The following PDE11A variants were observed in gnomAD, a reference collection of about 807,000 sequenced individuals.
PDE11A encodes phosphodiesterase 11A.
Under a neutral mutation model 100.5 loss-of-function variants are expected in PDE11A, and 100 were observed. That is an observed-to-expected ratio of 1.00 (90% CI 0.85 to 1.18). The LOEUF (loss-of-function observed/expected upper bound fraction) is 1.18. Ranked by LOEUF, PDE11A falls within the 50% of genes most tolerant of loss-of-function variation. PDE11A has a pLI of 0.00. For missense variants in PDE11A, 1,141 were observed against 1,152.6 expected (o/e 0.99, Z 0.15); for synonymous variants, 381 against 420.8 (o/e 0.91, Z 1.16).
At chr2:177,843,090 T>C (rs567119147) in intron 5 of PDE11A, among the ~76,000 whole-genome samples, 1 of 152,200 alleles carries the variant, frequency 6.6e-6, no homozygotes, top group South Asian at 2.1e-4. Context: ...CTGAAATTTA[T>C]TGCCATCTAC....
chr2:177,984,079 C>T (rs138349784), intron 2 of PDE11A, among the ~76,000 whole-genome samples: 100 of 152,212 alleles, frequency 6.6e-4, no homozygotes, highest in African/African-American at 2.2e-3. Flanking sequence ...AATACCAAAA[C>T]GATTATCTCT....
intron 9 of PDE11A, among the ~76,000 whole-genome samples, chr2:177,808,944 G>A (rs1255911599): frequency 6.6e-6 from 1 of 152,108 alleles, no homozygotes; most frequent in Non-Finnish European, 1.5e-5. Context: ...AAAAATGAAG[G>A]AAATTCTTAC....
upstream of PDE11A, among the ~76,000 whole-genome samples, chr2:178,077,354 A>T (rs2105876740): frequency 6.9e-6 from 1 of 145,112 alleles, no homozygotes; most frequent in East Asian, 2.0e-4. Context: ...ATTTCTAACT[A>T]CTGCAAAATA....
At position 178,015,685 on chromosome 2, in the gene PDE11A, G is replaced by C. The variant is rs529122975; in HGVS notation, c.913-1225C>G. Among the ~76,000 whole-genome samples the C allele has an allele frequency of 4.6e-5, 7 of 152,190 alleles. No individual in the cohort carries two copies. In the South Asian group the frequency reaches 1.0e-3, roughly 23 times the overall value. On this transcript the variant is annotated intron_variant, in intron 1 of 19. Transcript: ENST00000286063. ...CTTATTCTTAGGATATACATGCTAG[G>C]GTATTTGGGGAGTGAAATATCATAC...
At chr2:177,927,474 C>T (rs919610951) in intron 2 of PDE11A, among the ~76,000 whole-genome samples, 4 of 152,206 alleles carry the variant, frequency 2.6e-5, no homozygotes, top group Admixed American at 2.0e-4. Flanking sequence ...ACTCTCATTA[C>T]ACTCCAGGAT....
intron 2 of PDE11A, among the ~76,000 whole-genome samples, chr2:177,971,239 C>T (rs2085766962): frequency 1.3e-5 from 2 of 152,292 alleles, no homozygotes; most frequent in African/African-American, 4.8e-5. Context: ...CATAACAATA[C>T]AAAAATAGTT....
chr2:177,815,842 T>C (rs2083029511), intron 9 of PDE11A, among the ~76,000 whole-genome samples: 1 of 152,232 alleles, frequency 6.6e-6, no homozygotes. Flanking sequence ...TTCTATATAC[T>C]TTTATCTTGG....
At chr2:178,084,067 C>T (rs992644483) in intron 2 of PDE11A, among the ~76,000 whole-genome samples, 27 of 151,984 alleles carry the variant, frequency 1.8e-4, no homozygotes, top group African/African-American at 6.3e-4. Context: ...GAAAAGTGAG[C>T]CATTCTACAA....
upstream of PDE11A, among the ~76,000 whole-genome samples, chr2:178,076,548 T>C (rs78351359): frequency 0.017 from 2,556 of 152,250 alleles, 71 homozygotes; most frequent in African/African-American, 0.058. Context: ...CATAGTTCCA[T>C]CCCACCCTTA....
intron 19 of PDE11A, among the ~76,000 whole-genome samples, chr2:177,636,904 A>G (rs13009207): frequency 0.58 from 88,894 of 152,068 alleles, 30,437 homozygotes; most frequent in Non-Finnish European, 0.73. Context: ...TCAGGTCTTC[A>G]ATGAACTCAG....
At chr2:177,641,429 A>AAAAG (rs2080141089) in intron 19 of PDE11A, among the ~76,000 whole-genome samples, 1 of 151,052 alleles carries the variant, frequency 6.6e-6, no homozygotes, top group African/African-American at 2.4e-5. Context: ...ACTGAGTCAA[A>AAAAG]AAAAAAAAAA....
At chr2:178,016,313 G>A (rs988761242) in intron 1 of PDE11A, among the ~76,000 whole-genome samples, 9 of 151,810 alleles carry the variant, frequency 5.9e-5, no homozygotes, top group Non-Finnish European at 1.5e-5. Context: ...ATGAGGCCTG[G>A]CTCTGGTCTG....
At chr2:177,781,257 A>C (rs1199280339) in intron 9 of PDE11A, among the ~76,000 whole-genome samples, 1 of 152,238 alleles carries the variant, frequency 6.6e-6, no homozygotes, top group African/African-American at 2.4e-5. Flanking sequence ...TTTATCAATT[A>C]AGTTTACCGC....
intron 5 of PDE11A, among the ~76,000 whole-genome samples, chr2:177,858,043 A>G (rs1013641394): frequency 1.3e-5 from 2 of 152,168 alleles, no homozygotes; most frequent in African/African-American, 2.4e-5. Flanking sequence ...CTGGCTAGAC[A>G]TATGTAGAAA....
chr2:177,711,009 C>T (rs1007121296), intron 13 of PDE11A, among the ~76,000 whole-genome samples: 14 of 152,228 alleles, frequency 9.2e-5, no homozygotes, highest in Non-Finnish European at 1.6e-4. Context: ...TGCAGGCAGA[C>T]AGTGAAAGAA....
intron 13 of PDE11A, among the ~76,000 whole-genome samples, chr2:177,702,207 T>C (rs2081207108): frequency 6.6e-6 from 1 of 151,940 alleles, no homozygotes; most frequent in Non-Finnish European, 1.5e-5. Context: ...GTTCATTACT[T>C]GGGAGTCTGA....
chr2:177,700,695 G>A (rs80008198), intron 14 of PDE11A, among the ~76,000 whole-genome samples: 2,599 of 152,278 alleles, frequency 0.017, 65 homozygotes, highest in African/African-American at 0.059. Context: ...TTGTGCTAAT[G>A]AAGTGTAACT....
intron 9 of PDE11A, among the ~76,000 whole-genome samples, chr2:177,770,766 A>G (rs761663080): frequency 2.6e-5 from 4 of 152,206 alleles, no homozygotes; most frequent in Non-Finnish European, 5.9e-5. Context: ...TTACAGACAT[A>G]TACACACTCA....
intron 4 of PDE11A, among the ~76,000 whole-genome samples, chr2:177,879,235 G>T (rs371032515): frequency 2.0e-5 from 3 of 152,254 alleles, no homozygotes; most frequent in African/African-American, 7.2e-5. Flanking sequence ...GGTTACAATT[G>T]TATTATCCTG....
Sources: gnomAD v4.1 joint callset for allele counts (sites outside exome capture counted in the v4.1 genomes callset) on GRCh38, gnomAD v4.1.1 for gene constraint, MANE v1.5 for transcripts, NCBI Gene and HGNC (gene_info 2026-07-23, HGNC 2026-07-21) for gene names.